Variants in DMTN observed in about 807,000 individuals in gnomAD.
The protein encoded by DMTN is dematin.
A neutral mutation model predicts 59.4 loss-of-function variants in DMTN; 27 were observed. That is an observed-to-expected ratio of 0.45 (90% CI 0.33 to 0.63). The LOEUF (loss-of-function observed/expected upper bound fraction) is 0.63. Among genes scored for constraint, DMTN ranks in the 20% least tolerant of loss-of-function variants. The pLI, the probability that DMTN is intolerant of heterozygous loss-of-function variation, is 0.02. For synonymous variants in DMTN, 221 were observed against 203.7 expected (o/e 1.08, Z -0.72); for missense variants, 451 against 528.9 (o/e 0.85, Z 1.45).
intron 1 of DMTN, among the ~76,000 whole-genome samples, chr8:22,061,053 C>T (rs1245102809): frequency 6.6e-6 from 1 of 151,588 alleles, no homozygotes; most frequent in African/African-American, 2.4e-5. Flanking sequence ...GGGAGGATCA[C>T]TTGAGCCCAG....
Position 22,081,369 on chromosome 8 carries a change from A to T in DMTN, c.1124A>T (p.Asp375Val). The stretch of plus-strand genomic sequence containing the variant: ...ATGTAGAGGCATCTGTCTGCCGAGG[A>T]CTTCTCAAGGGTATTTGCCATGTCC... ...MRLERHLSAE[D>V]FSRVFAMSPE... Residue 375 changes from aspartate to valine, a missense_variant, in exon 16 of 16, where the codon GAC (aspartate) becomes GTC (valine). Physicochemically the swap from Asp to Val is radical, Grantham distance 152 (BLOSUM62 -3). Coordinates refer to ENST00000358242, the MANE Select transcript of DMTN (RefSeq NM_001387751.1). 2 of 1,613,776 alleles carry T rather than the reference A, an allele frequency of 1.2e-6. No homozygotes were observed. Among genetic ancestry groups the T allele is most frequent in the Non-Finnish European group, 1.7e-6 (2 of 1,179,890 alleles).
chr8:22,059,284 G>GGCGAAGCGGGGCAAAGTTCCCT (rs1457627185), intron 1 of DMTN: 6 of 152,290 alleles, frequency 3.9e-5, no homozygotes, highest in Non-Finnish European at 8.8e-5. Flanking sequence ...AACAGGAGAA[G>GGCGAAGCGGGGCAAAGTTCCCT]GCGAAGCGGG....
intron 10 of DMTN, 120 bp from the exon 11 acceptor site, chr8:22,080,060 T>TC: frequency 9.0e-7 from 1 of 1,113,032 alleles, no homozygotes. Flanking sequence ...CCCACCAGGT[T>TC]CCCCCCAGCG....
At chr8:22,079,303 A>ATATATATATAT (rs67715172) in intron 10 of DMTN, among the ~76,000 whole-genome samples, 34 of 52,186 alleles carry the variant, frequency 6.5e-4, no homozygotes, top group Admixed American at 9.6e-4. Context: ...TATATATATT[A>ATATATATATAT]GCTGGGTTTG....
intron 6 of DMTN, 108 bp from the exon 7 acceptor site, chr8:22,069,772 AG>A: frequency 7.7e-7 from 1 of 1,307,160 alleles, no homozygotes; most frequent in South Asian, 1.2e-5. Context: ...GGCTCTTGAC[AG>A]GGGCCAGTGA....
At position 22,067,559 on chromosome 8, in the gene DMTN, G is replaced by T; in HGVS notation, c.126G>T (p.Lys42Asn). The change falls in exon 4 of 16, where the codon AAG becomes AAT. Residue 42 changes from lysine to asparagine, a missense_variant. By Grantham distance (94) the Lys-to-Asn change is moderately conservative (BLOSUM62 0). Transcript: ENST00000358242. Reference sequence around the variant, plus strand: ...TGGACAATCAGGTGCTGGGCTACAAGGACCTGGCTGCCATCCCCAAGGACA... The same window carrying T: ...TGGACAATCAGGTGCTGGGCTACAATGACCTGGCTGCCATCCCCAAGGACA... The part of the protein sequence containing the change: ...AKMDNQVLGY[K>N]DLAAIPKDKA... 6.2e-7 allele frequency: 1 copy of T among 1,614,196 alleles called. No homozygotes were observed. Among genetic ancestry groups the T allele is most frequent in the Non-Finnish European group, 8.5e-7 (1 of 1,180,036 alleles).
rs780507937 is a variant in DMTN, at chr8:22,082,016, C to T, written c.*553C>T. 3.1e-5 allele frequency: 14 copies of T among 456,800 alleles called. No individual in the cohort carries two copies. Among genetic ancestry groups the T allele is most frequent in the African/African-American group, 8.0e-5 (4 of 50,082 alleles). 28.3% of individuals were successfully genotyped at this position (456,800 alleles called of 1,614,324 possible). A position where few individuals can be genotyped will look rare whatever the true frequency, so the allele number is the denominator to read the frequency against. On this transcript the variant is annotated 3_prime_UTR_variant, in exon 16 of 16. Transcript: ENST00000358242. ...ACTTCAGCTTGCCCTGACCTCCGCT[C>T]GCAAACCCCGAGCTTCCAAGCCTTT...
chr8:22,050,027 G>T (rs1801184587), upstream of DMTN, among the ~76,000 whole-genome samples: 1 of 152,264 alleles, frequency 6.6e-6, no homozygotes, highest in Admixed American at 6.5e-5. Context: ...CAAGAGGGAG[G>T]TCCCCGGCCC....
intron 6 of DMTN, 35 bp from the exon 7 acceptor site, chr8:22,069,846 C>G (rs558533170): frequency 6.2e-7 from 1 of 1,610,588 alleles, no homozygotes; most frequent in South Asian, 1.1e-5. Flanking sequence ...CTGCCATCAG[C>G]ATGTCCTCCT....
chr8:22,050,149 G>A (rs889221081), upstream of DMTN, among the ~76,000 whole-genome samples: 3 of 152,186 alleles, frequency 2.0e-5, no homozygotes, highest in Non-Finnish European at 4.4e-5. Flanking sequence ...CCGTGTTGGG[G>A]GTAGTTTTCT....
At chr8:22,049,068 A>AGGGGCC (rs200363538), upstream of DMTN, 8 of 147,514 alleles carry the variant, frequency 5.4e-5, no homozygotes, top group East Asian at 2.1e-4. Flanking sequence ...GAGCCCCCGG[A>AGGGGCC]GGGGCCGGGG....
At chr8:22,062,876 C>T (rs1283527312) in intron 1 of DMTN, among the ~76,000 whole-genome samples, 1 of 143,876 alleles carries the variant, frequency 7.0e-6, no homozygotes, top group Non-Finnish European at 1.5e-5. Context: ...TTGCTGAAAA[C>T]ACAAAGACTC....
chr8:22,074,742 G>T (rs1162867095), intron 10 of DMTN, among the ~76,000 whole-genome samples: 1 of 152,208 alleles, frequency 6.6e-6, no homozygotes, highest in African/African-American at 2.4e-5. Flanking sequence ...CTGTGGGGCA[G>T]TGGGCAGTGA....
intron 6 of DMTN, 29 bp from the exon 7 acceptor site, chr8:22,069,852 C>G: frequency 1.9e-6 from 3 of 1,612,202 alleles, no homozygotes; most frequent in South Asian, 2.2e-5. Flanking sequence ...TCAGCATGTC[C>G]TCCTCCTCAT....
upstream of DMTN, among the ~76,000 whole-genome samples, chr8:22,056,262 C>A (rs1802514351): frequency 6.6e-6 from 1 of 152,146 alleles, no homozygotes; most frequent in Non-Finnish European, 1.5e-5. Context: ...GGGGCCAGCT[C>A]AAGTCTCAGT....
At chr8:22,055,444 T>C (rs888209613), upstream of DMTN, 2 of 152,264 alleles carry the variant, frequency 1.3e-5, no homozygotes, top group Non-Finnish European at 2.9e-5. Flanking sequence ...GAAGTAAGGG[T>C]GGGGTTGAAG....
Position 22,056,961 on chromosome 8 carries a change from A to G in DMTN, c.-347A>G, listed in dbSNP as rs952788397. The G allele has an allele frequency of 8.1e-5, 5 of 61,772 alleles. No homozygotes were observed. Among genetic ancestry groups the G allele is most frequent in the African/African-American group, 3.0e-4 (5 of 16,768 alleles). 3.8% of individuals were successfully genotyped at this position (61,772 alleles called of 1,614,324 possible). Reference sequence around the variant, plus strand: ...TCCTTCGCCAGCTCCCACCCCGCCCACCCACCCTAAGCCGGCATTTTTCCT... The same window carrying G: ...TCCTTCGCCAGCTCCCACCCCGCCCGCCCACCCTAAGCCGGCATTTTTCCT... On this transcript the variant is annotated 5_prime_UTR_variant, in exon 1 of 16. Coordinates refer to ENST00000358242, the MANE Select transcript of DMTN (RefSeq NM_001387751.1).
intron 10 of DMTN, among the ~76,000 whole-genome samples, chr8:22,079,492 C>G (rs895837671): frequency 6.6e-6 from 1 of 151,782 alleles, no homozygotes; most frequent in African/African-American, 2.4e-5. Flanking sequence ...TGAATACTAG[C>G]TGAGCAGGTG....
chr8:22,079,779 T>C (rs1822915186), intron 10 of DMTN, among the ~76,000 whole-genome samples: 1 of 152,102 alleles, frequency 6.6e-6, no homozygotes, highest in Non-Finnish European at 1.5e-5. Flanking sequence ...ATTTTTTTTT[T>C]TTAGATTTGA....
Sources: gnomAD v4.1 joint callset for allele counts (sites outside exome capture counted in the v4.1 genomes callset) on GRCh38, gnomAD v4.1.1 for gene constraint, MANE v1.5 for transcripts, NCBI Gene and HGNC (gene_info 2026-07-23, HGNC 2026-07-21) for gene names.